PIK3AP1: variants seen among roughly 807,000 people sequenced by gnomAD.
PIK3AP1 encodes the protein phosphoinositide 3-kinase adapter protein 1.
PIK3AP1 carries 21 observed loss-of-function variants against 88.1 expected under a neutral mutation model. The observed-to-expected ratio is 0.24, with a 90% CI of 0.17 to 0.34. PIK3AP1 has a LOEUF of 0.34. Ranked by LOEUF, PIK3AP1 falls within the 10% of genes least tolerant of loss-of-function variation. The probability of loss-of-function intolerance (pLI) is 1.00; values close to 1 mark genes in which losing one functional copy is unlikely to be tolerated. For synonymous variants in PIK3AP1, 398 were observed against 400.0 expected, an observed-to-expected ratio of 1.00 and a Z score of 0.06; for missense variants, 828 against 1,035.7, an observed-to-expected ratio of 0.80 and a Z score of 2.75.
intron 2 of PIK3AP1, among the ~76,000 whole-genome samples, chr10:96,657,592 T>TA (rs1003227757): frequency 6.6e-6 from 1 of 152,140 alleles, no homozygotes; most frequent in African/African-American, 2.4e-5. Flanking sequence ...ACCAGAGCTC[T>TA]AAGGCAGGGG....
rs573036347 is a variant in PIK3AP1, at chr10:96,599,504, G to T, written c.2360+2776C>A. Reference sequence around the variant, plus strand: ...GCAAGGACCAGAACCGGGATGGAGTGGGATGGAGGCTGTACTACCAGTGCT... The same window carrying T: ...GCAAGGACCAGAACCGGGATGGAGTTGGATGGAGGCTGTACTACCAGTGCT... On this transcript the variant is annotated intron_variant, in intron 16 of 16. Transcript: ENST00000339364. Among the ~76,000 whole-genome samples the T allele has an allele frequency of 5.0e-4, 76 of 152,246 alleles. 1 individual carries two copies. The highest frequency in any genetic ancestry group is 1.8e-3 in the African/African-American group (75 of 41,534).
intron 2 of PIK3AP1, among the ~76,000 whole-genome samples, chr10:96,689,391 C>T (rs981584100): frequency 2.0e-5 from 3 of 151,108 alleles, no homozygotes; most frequent in African/African-American, 7.3e-5. Flanking sequence ...GATGAAACCC[C>T]GTCTCTACTA....
At chr10:96,603,891 G>C in intron 15 of PIK3AP1, 88 bp downstream of exon 15, 1 of 1,225,390 alleles carries the variant, frequency 8.2e-7, no homozygotes, top group Non-Finnish European at 1.1e-6. Flanking sequence ...ATGACCTTTT[G>C]TGCCTGGCTC....
intron 8 of PIK3AP1, among the ~76,000 whole-genome samples, chr10:96,638,200 T>C (rs1156618661): frequency 1.3e-5 from 2 of 152,200 alleles, no homozygotes; most frequent in African/African-American, 4.8e-5. Context: ...TGGATTAATG[T>C]TGCTATCGTG....
intron 3 of PIK3AP1, 32 bp downstream of exon 3, chr10:96,656,766 C>T (rs990865370): frequency 1.9e-6 from 3 of 1,610,408 alleles, no homozygotes; most frequent in East Asian, 4.5e-5. Context: ...CAAGTGCTGA[C>T]ATCCAGCTAC....
intron 1 of PIK3AP1, among the ~76,000 whole-genome samples, chr10:96,719,939 A>G (rs1844549590): frequency 6.6e-6 from 1 of 152,172 alleles, no homozygotes; most frequent in African/African-American, 2.4e-5. Context: ...TCCCCGGCTG[A>G]TCTCTCCGCA....
intron 16 of PIK3AP1, among the ~76,000 whole-genome samples, chr10:96,596,226 A>G (rs185543685): frequency 2.0e-4 from 31 of 152,294 alleles, no homozygotes; most frequent in Admixed American, 1.2e-3. Context: ...GTCAGCCCTT[A>G]TGCCTCAGAG....
chr10:96,679,460 G>A (rs191017346), intron 2 of PIK3AP1, among the ~76,000 whole-genome samples: 21 of 152,038 alleles, frequency 1.4e-4, no homozygotes, highest in East Asian at 1.2e-3. Flanking sequence ...CCTGGGAGGC[G>A]GAAGTTGCAG....
chr10:96,711,437 A>G (rs191012299), intron 1 of PIK3AP1, among the ~76,000 whole-genome samples: 11 of 152,358 alleles, frequency 7.2e-5, no homozygotes, highest in Admixed American at 7.2e-4. Context: ...GTGAGTATAA[A>G]GTGTCCATAC....
intron 2 of PIK3AP1, among the ~76,000 whole-genome samples, chr10:96,693,820 C>T (rs1201640833): frequency 6.6e-6 from 1 of 152,218 alleles, no homozygotes; most frequent in East Asian, 1.9e-4. Context: ...AATATATGCA[C>T]ATCAGCATCA....
intron 7 of PIK3AP1, among the ~76,000 whole-genome samples, chr10:96,646,509 AG>A (rs1471819648): frequency 6.6e-6 from 1 of 152,174 alleles, no homozygotes; most frequent in Non-Finnish European, 1.5e-5. Context: ...TGACACAAGA[AG>A]GTGTGACCTT....
At chr10:96,639,664 C>A (rs1038131940) in intron 8 of PIK3AP1, among the ~76,000 whole-genome samples, 7 of 152,192 alleles carry the variant, frequency 4.6e-5, no homozygotes, top group South Asian at 2.1e-4. Flanking sequence ...TGGGTTCTGT[C>A]CTTGCAGGTA....
intron 8 of PIK3AP1, among the ~76,000 whole-genome samples, chr10:96,630,742 C>G (rs1355722743): frequency 6.6e-6 from 1 of 151,976 alleles, no homozygotes; most frequent in East Asian, 1.9e-4. Flanking sequence ...ATTCAGGAGG[C>G]TGGGGTGGGA....
chr10:96,628,889 C>CATATACATACATAT (rs1554955371), intron 8 of PIK3AP1, among the ~76,000 whole-genome samples: 18 of 60,838 alleles, frequency 3.0e-4, no homozygotes, highest in Admixed American at 1.1e-3. Flanking sequence ...TATATATATA[C>CATATACATACATAT]ATATATATAT....
At chr10:96,609,888 GA>G in intron 13 of PIK3AP1, 21 bp from the exon 14 acceptor site, 1 of 1,613,300 alleles carries the variant, frequency 6.2e-7, no homozygotes, top group Non-Finnish European at 8.5e-7. Flanking sequence ...AGGAAAGAGG[GA>G]TAAGCTGTCA....
At chr10:96,605,110 G>A (rs773129536) in intron 14 of PIK3AP1, among the ~76,000 whole-genome samples, 13 of 152,100 alleles carry the variant, frequency 8.5e-5, no homozygotes, top group Non-Finnish European at 1.5e-4. Context: ...CGTCCACCTC[G>A]GCCTCCCAAA....
intron 6 of PIK3AP1, among the ~76,000 whole-genome samples, chr10:96,649,190 C>T (rs7081264): frequency 2.6e-5 from 4 of 151,888 alleles, no homozygotes; most frequent in Non-Finnish European, 5.9e-5. Context: ...AGGATTACAG[C>T]TGTGCATCAC....
intron 11 of PIK3AP1, chr10:96,620,763 C>T: frequency 3.7e-6 from 2 of 541,356 alleles, no homozygotes. Context: ...CTGAAGTAGA[C>T]AAGGCTGCAA....
chr10:96,641,662 G>T (rs1270033184), intron 8 of PIK3AP1, among the ~76,000 whole-genome samples: 1 of 152,166 alleles, frequency 6.6e-6, no homozygotes. Context: ...AGACAGATTT[G>T]CCTCCTGGGA....
Sources: allele counts gnomAD v4.1 joint callset (sites outside exome capture counted in the v4.1 genomes callset), GRCh38; gene constraint gnomAD v4.1.1; transcripts MANE v1.5; gene names NCBI Gene and HGNC (gene_info 2026-07-23, HGNC 2026-07-21).